PLB1: variants seen among roughly 807,000 people sequenced by gnomAD.
The protein encoded by PLB1 is phospholipase B1, also known as phospholipase B1, membrane-associated.
PLB1 carries 242 observed loss-of-function variants against 227.4 expected under a neutral mutation model. The ratio of observed to expected loss-of-function variants is 1.06; its 90% confidence interval spans 0.96 to 1.18. The LOEUF is 1.18. Ranked by LOEUF, PLB1 falls within the 50% of genes most tolerant of loss-of-function variation. The pLI is 0.00. For synonymous variants in PLB1, 757 were observed against 682.2 expected (o/e 1.11, Z -1.71); for missense variants, 1,858 against 1,816.3 (o/e 1.02, Z -0.42).
At chr2:28,576,001 G>C (rs1573089402) in intron 21 of PLB1, among the ~76,000 whole-genome samples, 1 of 152,206 alleles carries the variant, frequency 6.6e-6, no homozygotes, top group East Asian at 1.9e-4. Context: ...AAAGACAGTT[G>C]TAAGCATGAT....
At chr2:28,596,057 C>T (rs1379211805) in intron 33 of PLB1, 2 of 152,114 alleles carry the variant, frequency 1.3e-5, no homozygotes, top group African/African-American at 4.8e-5. Flanking sequence ...ATTTACTTAC[C>T]AAAAAAGTTG....
chr2:28,582,560 T>A, intron 25 of PLB1, 55 bp downstream of exon 25: 1 of 1,360,546 alleles, frequency 7.3e-7, no homozygotes, highest in Non-Finnish European at 1.0e-6. Flanking sequence ...CTAAGGGCAG[T>A]GGCACCCTTA....
intron 57 of PLB1, among the ~76,000 whole-genome samples, chr2:28,641,443 A>C (rs190770312): frequency 6.6e-6 from 1 of 152,214 alleles, no homozygotes; most frequent in African/African-American, 2.4e-5. Flanking sequence ...CCCCGTCTCT[A>C]GTAAAAATCC....
chr2:28,587,947 A>T (rs1681190727), intron 26 of PLB1, among the ~76,000 whole-genome samples: 1 of 152,174 alleles, frequency 6.6e-6, no homozygotes, highest in Non-Finnish European at 1.5e-5. Flanking sequence ...TCGCCCTCCC[A>T]GCCTCTGCAG....
At chr2:28,499,721 A>G (rs1442733305) in intron 1 of PLB1, among the ~76,000 whole-genome samples, 1 of 152,084 alleles carries the variant, frequency 6.6e-6, no homozygotes, top group African/African-American at 2.4e-5. Flanking sequence ...CCCTATCTCT[A>G]CAAAAATACA....
intron 13 of PLB1, 36 bp downstream of exon 13, chr2:28,541,847 TG>T: frequency 6.5e-7 from 1 of 1,534,636 alleles, no homozygotes; most frequent in Non-Finnish European, 9.0e-7. Flanking sequence ...AAGAGTGTGG[TG>T]GGGGCCGGGC....
chr2:28,539,826 G>A (rs1395897708), intron 11 of PLB1, among the ~76,000 whole-genome samples: 2 of 151,840 alleles, frequency 1.3e-5, no homozygotes, highest in Admixed American at 6.6e-5. Context: ...GAGCGGGGAG[G>A]AGGAGGACTG....
At position 28,578,088 on chromosome 2, in the gene PLB1, C is replaced by T; in HGVS notation, c.1434-19C>T. ...CAGTCCCCACTCCTCACAGCACTTCCTCTGGTATGTTTCCACAGGGATCTA... is the reference window on the plus strand; with the variant it reads ...CAGTCCCCACTCCTCACAGCACTTCTTCTGGTATGTTTCCACAGGGATCTA... On this transcript the variant is annotated intron_variant, in intron 21 of 57. Coordinates refer to ENST00000327757, the MANE Select transcript of PLB1 (RefSeq NM_153021.5). The T allele has an allele frequency of 1.9e-6, 3 of 1,613,562 alleles. No homozygotes were observed. Among genetic ancestry groups the T allele is most frequent in the Non-Finnish European group, 2.5e-6 (3 of 1,179,526 alleles).
rs70956023 is a variant in PLB1 at position 28,574,384 on chromosome 2, C to CTTTTTT, written c.1433+1090_1433+1095dup. Among the ~76,000 whole-genome samples, 693 of 73,968 alleles carry CTTTTTT rather than the reference C, an allele frequency of 9.4e-3. 44 individuals carry two copies. The highest frequency in any genetic ancestry group is 0.029 in the African/African-American group (529 of 17,982). The allele number at this position is 73,968 out of a possible 152,430, so 48.5% of individuals were successfully genotyped here. On this transcript the variant is annotated intron_variant, in intron 21 of 57. Transcript: ENST00000327757. ...AGTCCCCAAAGTCCATTATATCATT[C>CTTTTTT]TTTTTTTTTTTTTTTTGAGACAGGG... is the stretch of plus-strand genomic sequence containing the variant.
At chr2:28,614,506 C>CGTTCAT (rs70956024) in intron 44 of PLB1, among the ~76,000 whole-genome samples, 12,173 of 152,164 alleles carry the variant, frequency 0.08, 587 homozygotes, top group Non-Finnish European at 0.11. Flanking sequence ...AGTGGAGGCA[C>CGTTCAT]GTTCATGTTC....
chr2:28,520,735 G>C (rs1669421088), intron 4 of PLB1, among the ~76,000 whole-genome samples: 1 of 152,140 alleles, frequency 6.6e-6, no homozygotes, highest in African/African-American at 2.4e-5. Flanking sequence ...CATTTTGGGA[G>C]GCTGAGGTGG....
rs1221883686 is a variant in PLB1, at chr2:28,600,843, A to G, written c.2509A>G (p.Lys837Glu). ...LMSQVQTLMQ[K>E]MKDDHRVNFH... ...GAGCCAAGTCCAAACTCTGATGCAGAAGATGAAAGATGATCATGTGAGTCA... is the reference window on the plus strand; with the variant it reads ...GAGCCAAGTCCAAACTCTGATGCAGGAGATGAAAGATGATCATGTGAGTCA... Residue 837 changes from lysine (K) to glutamate (E), a missense_variant, in exon 36 of 58, where the codon AAG becomes GAG. By Grantham distance (56) the Lys-to-Glu change is moderately conservative. Coordinates refer to ENST00000327757, the MANE Select transcript of PLB1 (RefSeq NM_153021.5). 6.2e-7 allele frequency: 1 copy of G among 1,611,880 alleles called. No homozygotes were observed. The highest frequency in any genetic ancestry group is 1.7e-5 in the Admixed American group (1 of 60,022).
Position 28,516,808 on chromosome 2 carries a change from G to A in PLB1, c.56G>A (p.Gly19Glu). ...LLELLLLLGQ[G>E]TPQIHTSPRK... ...TTGAACTATTTCTGCTTTCTTTCAGGGACCCCTCAGATCCATACCTCTCCT... is the reference window on the plus strand; with the variant it reads ...TTGAACTATTTCTGCTTTCTTTCAGAGACCCCTCAGATCCATACCTCTCCT... The change falls in exon 2 of 58, where the codon GGG (glycine) becomes GAG (glutamate). Residue 19 changes from glycine to glutamate, a missense_variant and splice_region_variant. Gly to Glu is a moderately conservative substitution (Grantham distance 98). Coordinates refer to ENST00000327757, the MANE Select transcript of PLB1 (RefSeq NM_153021.5). 1 of 1,612,804 alleles carries A rather than the reference G, an allele frequency of 6.2e-7. No individual in the cohort carries two copies. The highest frequency in any genetic ancestry group is 8.5e-7 in the Non-Finnish European group (1 of 1,178,928).
intron 50 of PLB1, 52 bp from the exon 51 acceptor site, chr2:28,626,376 T>G: frequency 6.6e-7 from 1 of 1,517,580 alleles, no homozygotes; most frequent in Non-Finnish European, 9.1e-7. Context: ...AGTAGCAACA[T>G]TTGTATGTGC....
intron 19 of PLB1, 152 bp downstream of exon 19, chr2:28,565,505 T>C: frequency 1.5e-6 from 1 of 655,176 alleles, no homozygotes; most frequent in Non-Finnish European, 2.6e-6. Context: ...GAAAAAGGTA[T>C]TCACCAGCCT....
chr2:28,543,161 T>C (rs1158027942), intron 13 of PLB1, 51 bp from the exon 14 acceptor site: 9 of 1,559,116 alleles, frequency 5.8e-6, no homozygotes, highest in Admixed American at 1.9e-5. Flanking sequence ...AGCAGGTCCG[T>C]TGCATTCCTG....
rs11681826 is a variant in PLB1, at chr2:28,591,166, A to G, written c.2122A>G (p.Met708Val). 349,609 of 1,613,840 alleles carry G rather than the reference A, an allele frequency of 0.22. 40,175 individuals are homozygous for G. The highest frequency in any genetic ancestry group is 0.36 in the African/African-American group (27,312 of 74,986). The stretch of plus-strand genomic sequence containing the variant: ...GTTTCTGAGGACCTACAAGAACAGC[A>G]TGCAGGTACCTGCCTCTTGCCTCCT... ...QPFLRTYKNSMQGHGTWLPCR... is the reference protein window; with the variant it reads ...QPFLRTYKNSVQGHGTWLPCR... Residue 708 changes from methionine to valine, a missense_variant, in exon 30 of 58, where the codon ATG becomes GTG. Met to Val is a conservative substitution (Grantham distance 21, BLOSUM62 1). Coordinates refer to ENST00000327757, the MANE Select transcript of PLB1 (RefSeq NM_153021.5).
intron 14 of PLB1, among the ~76,000 whole-genome samples, chr2:28,547,844 A>G (rs1201916017): frequency 1.4e-5 from 1 of 72,014 alleles, no homozygotes; most frequent in Non-Finnish European, 3.0e-5. Flanking sequence ...AAAAATAACA[A>G]AAACAACTTT....
At chr2:28,600,447 A>G (rs961588511) in intron 35 of PLB1, among the ~76,000 whole-genome samples, 1 of 152,214 alleles carries the variant, frequency 6.6e-6, no homozygotes, top group East Asian at 1.9e-4. Context: ...GCATGCTAGA[A>G]GTTTCATAGG....
Sources: allele counts gnomAD v4.1 joint callset (sites outside exome capture counted in the v4.1 genomes callset), GRCh38; gene constraint gnomAD v4.1.1; transcripts MANE v1.5; gene names NCBI Gene and HGNC (gene_info 2026-07-23, HGNC 2026-07-21).